The following DOCK8 variants were observed in gnomAD, a reference collection of about 807,000 sequenced individuals.
DOCK8 encodes dedicator of cytokinesis protein 8.
Under a neutral mutation model 245.6 loss-of-function variants are expected in DOCK8, and 141 were observed. The ratio of observed to expected loss-of-function variants is 0.57; its 90% confidence interval spans 0.50 to 0.66. The LOEUF is 0.66. Ranked by LOEUF, DOCK8 falls within the 30% of genes least tolerant of loss-of-function variation. DOCK8 has a pLI of 0.00. For synonymous variants in DOCK8, 1,168 were observed against 970.2 expected (o/e 1.20, Z -3.79); for missense variants, 2,965 against 2,603.4 (o/e 1.14, Z -3.02).
chr9:362,268 C>T (rs936118471), intron 14 of DOCK8, among the ~76,000 whole-genome samples: 1 of 152,178 alleles, frequency 6.6e-6, no homozygotes, highest in Non-Finnish European at 1.5e-5. Context: ...TTATTTGCAC[C>T]TCCACTCTTC....
intron 2 of DOCK8, among the ~76,000 whole-genome samples, chr9:285,127 TA>T (rs780180037): frequency 8.6e-5 from 13 of 152,028 alleles, no homozygotes; most frequent in Admixed American, 2.6e-4. Flanking sequence ...AAGTAGGGCA[TA>T]TTTTGCCTAA....
intron 26 of DOCK8, among the ~76,000 whole-genome samples, chr9:399,976 CCAT>C (rs1227630765): frequency 1.4e-5 from 2 of 146,996 alleles, no homozygotes; most frequent in Non-Finnish European, 3.0e-5. Context: ...ACCTTCTCCA[CCAT>C]CACCACCTCC....
rs773043156 is a variant in DOCK8 at position 328,140 on chromosome 9, A to T, written c.1013A>T (p.Tyr338Phe). 2 of 1,614,064 alleles carry T rather than the reference A, an allele frequency of 1.2e-6. No individual in the cohort carries two copies. Among genetic ancestry groups the T allele is most frequent in the South Asian group, 1.1e-5 (1 of 91,076 alleles). Reference sequence around the variant, plus strand: ...AGATCTGCAGTCTTCTCAGTCACCTACCCGTCCTCAGACATCTACCTGGTA... The same window carrying T: ...AGATCTGCAGTCTTCTCAGTCACCTTCCCGTCCTCAGACATCTACCTGGTA... ...QARSAVFSVT[Y>F]PSSDIYLVVK... is the part of the protein sequence containing the mutation. The change falls in exon 9 of 48, where the codon TAC becomes TTC. Residue 338 changes from tyrosine to phenylalanine, a missense_variant. By Grantham distance (22) the Tyr-to-Phe change is conservative. Coordinates refer to ENST00000432829, the MANE Select transcript of DOCK8 (RefSeq NM_203447.4).
At chr9:420,254 A>C in intron 30 of DOCK8, 147 bp from the exon 31 acceptor site, 1 of 889,138 alleles carries the variant, frequency 1.1e-6, no homozygotes. Context: ...GGCTACTGGC[A>C]ATAGATCTCC....
At chr9:375,849 T>C (rs2131252974) in intron 18 of DOCK8, among the ~76,000 whole-genome samples, 1 of 152,006 alleles carries the variant, frequency 6.6e-6, no homozygotes, top group South Asian at 2.1e-4. Flanking sequence ...ATAGAAAAAT[T>C]AGTTGGGTGT....
intron 2 of DOCK8, among the ~76,000 whole-genome samples, chr9:283,396 A>G (rs987991040): frequency 2.6e-5 from 4 of 152,174 alleles, no homozygotes; most frequent in South Asian, 2.1e-4. Context: ...CATACACACA[A>G]TACTTTTTTT....
At chr9:368,255 G>A in intron 15 of DOCK8, 120 bp downstream of exon 15, 1 of 866,714 alleles carries the variant, frequency 1.2e-6, no homozygotes, top group Admixed American at 1.7e-5. Flanking sequence ...ATACTGCTCA[G>A]CATGTGCAAG....
At chr9:248,430 TTC>T (rs879772328) in intron 1 of DOCK8, among the ~76,000 whole-genome samples, 7 of 146,788 alleles carry the variant, frequency 4.8e-5, no homozygotes, top group Non-Finnish European at 1.1e-4. Flanking sequence ...TATTTTTCCC[TTC>T]CTTCTGTCTT....
intron 6 of DOCK8, among the ~76,000 whole-genome samples, chr9:313,565 A>C (rs10969640): frequency 0.12 from 18,508 of 152,268 alleles, 1,442 homozygotes; most frequent in Admixed American, 0.17. Context: ...AAAAAAGTGG[A>C]TCTCATAGAA....
intron 14 of DOCK8, 130 bp from the exon 15 acceptor site, chr9:367,888 A>T: frequency 1.4e-6 from 1 of 736,492 alleles, no homozygotes; most frequent in South Asian, 1.5e-5. Flanking sequence ...CCCAATAATA[A>T]TTCACTTCTG....
intron 26 of DOCK8, among the ~76,000 whole-genome samples, chr9:400,223 C>G (rs1403273345): frequency 3.4e-5 from 4 of 118,670 alleles, no homozygotes; most frequent in Non-Finnish European, 3.7e-5. Context: ...ACTATCACCA[C>G]CACCTCCACC....
intron 14 of DOCK8, chr9:366,089 C>G (rs1232709189): frequency 5.9e-6 from 1 of 170,232 alleles, no homozygotes; most frequent in African/African-American, 2.4e-5. Context: ...TGTGTCTCAT[C>G]TTTAAAAGTT....
chr9:409,897 A>G (rs1479747506), intron 28 of DOCK8, among the ~76,000 whole-genome samples: 7 of 152,270 alleles, frequency 4.6e-5, no homozygotes, highest in African/African-American at 9.6e-5. Context: ...ATGGCTGCAT[A>G]GTATTCCATG....
intron 18 of DOCK8, among the ~76,000 whole-genome samples, chr9:374,453 G>GTTTTTTTTTTTT (rs762085208): frequency 9.3e-5 from 7 of 75,346 alleles, no homozygotes; most frequent in Non-Finnish European, 1.6e-4. Flanking sequence ...GTCCTTTTGT[G>GTTTTTTTTTTTT]TTTTTTTTTT....
intron 16 of DOCK8, 51 bp from the exon 17 acceptor site, chr9:371,377 A>T: frequency 1.2e-6 from 2 of 1,609,858 alleles, no homozygotes; most frequent in Non-Finnish European, 1.7e-6. Context: ...CAATCAGAGA[A>T]GTCATCATTC....
At chr9:405,925 T>C (rs921037502) in intron 27 of DOCK8, among the ~76,000 whole-genome samples, 1 of 152,196 alleles carries the variant, frequency 6.6e-6, no homozygotes, top group African/African-American at 2.4e-5. Flanking sequence ...GCTTAAGTCC[T>C]AAAACTTCCC....
chr9:460,228 A>G (rs764503195), intron 46 of DOCK8: 1 of 152,248 alleles, frequency 6.6e-6, no homozygotes, highest in Non-Finnish European at 1.5e-5. Context: ...TTGTCTGCAT[A>G]TAACACATTT....
At chr9:385,715 C>G (rs1166474468) in intron 22 of DOCK8, among the ~76,000 whole-genome samples, 1 of 152,212 alleles carries the variant, frequency 6.6e-6, no homozygotes, top group Non-Finnish European at 1.5e-5. Context: ...CACAACACAA[C>G]TCAGCCTCAT....
chr9:371,330 G>C (rs2053276185), intron 16 of DOCK8, 98 bp from the exon 17 acceptor site: 14 of 1,459,536 alleles, frequency 9.6e-6, no homozygotes, highest in Non-Finnish European at 1.3e-5. Flanking sequence ...CAAAACACCA[G>C]GCAAATTCTG....
Sources: allele counts gnomAD v4.1 joint callset (sites outside exome capture counted in the v4.1 genomes callset), GRCh38; gene constraint gnomAD v4.1.1; transcripts MANE v1.5; gene names NCBI Gene and HGNC (gene_info 2026-07-23, HGNC 2026-07-21).